Variants in NFATC3 observed in about 807,000 individuals in gnomAD.
NFATC3 encodes the protein nuclear factor of activated T cells 3, also known as nuclear factor of activated T-cells, cytoplasmic 3.
NFATC3 carries 46 observed loss-of-function variants against 98.6 expected under a neutral mutation model. The ratio of observed to expected loss-of-function variants is 0.47; its 90% CI spans 0.37 to 0.60. NFATC3 has a LOEUF of 0.60. NFATC3 is among the 20% of genes least tolerant of loss of function. NFATC3 has a pLI of 0.00. For synonymous variants in NFATC3, 512 were observed against 472.2 expected (o/e 1.08, Z -1.09); for missense variants, 1,256 against 1,295.5 (o/e 0.97, Z 0.47).
chr16:68,170,131 G>A (rs977157316), intron 5 of NFATC3, among the ~76,000 whole-genome samples: 11 of 151,682 alleles, frequency 7.3e-5, no homozygotes, highest in African/African-American at 1.5e-4. Context: ...GGTGGCTCAC[G>A]CCTGTAATCC....
At chr16:68,218,170 C>A in intron 9 of NFATC3, 1 of 386,358 alleles carries the variant, frequency 2.6e-6, no homozygotes, top group Non-Finnish European at 3.5e-6. Context: ...TCAAGTGATC[C>A]TCTTGTCTCA....
At chr16:68,087,740 C>T (rs372138575) in intron 1 of NFATC3, among the ~76,000 whole-genome samples, 47 of 152,240 alleles carry the variant, frequency 3.1e-4, no homozygotes, top group African/African-American at 1.1e-3. Flanking sequence ...TAGTAGCCAC[C>T]AGTCTGGGAT....
chr16:68,110,899 A>G (rs1012968176), intron 1 of NFATC3, among the ~76,000 whole-genome samples: 4 of 151,954 alleles, frequency 2.6e-5, no homozygotes, highest in Non-Finnish European at 5.9e-5. Flanking sequence ...TTCTGCCTTA[A>G]TTTCATTTTT....
intron 9 of NFATC3, among the ~76,000 whole-genome samples, chr16:68,220,773 G>A (rs1347216482): frequency 1.4e-5 from 2 of 146,036 alleles, no homozygotes; most frequent in Admixed American, 6.8e-5. Context: ...AAAAAAAATA[G>A]CCAGGCATTG....
At position 68,120,648 on chromosome 16, in the gene NFATC3, C is replaced by G. The variant is rs576797542; in HGVS notation, c.104-1339C>G. Among the ~76,000 whole-genome samples, 27 of 151,100 alleles carry G rather than the reference C, an allele frequency of 1.8e-4. No individual in the cohort carries two copies. The East Asian group carries it at 5.3e-3, about 29-fold the overall frequency. On this transcript the variant is annotated intron_variant, in intron 1 of 9. Transcript: ENST00000346183. ...GTCCCAGCTACTCAGGAGACTGAGA[C>G]AGGAGGCAGGAGAATTGCTTGAATC...
At chr16:68,192,330 T>G (rs1027436236) in intron 9 of NFATC3, 44 of 141,386 alleles carry the variant, frequency 3.1e-4, no homozygotes, top group African/African-American at 7.3e-4. Flanking sequence ...TATATATATA[T>G]ATAGAGAGAG....
chr16:68,192,208 G>A (rs1402577413), intron 9 of NFATC3: 1 of 47,124 alleles, frequency 2.1e-5, no homozygotes, highest in Non-Finnish European at 3.1e-5. Flanking sequence ...ACTCCGTCTC[G>A]GGAAAAAAAA....
chr16:68,136,765 A>G (rs1459074310), intron 3 of NFATC3, among the ~76,000 whole-genome samples: 1 of 152,104 alleles, frequency 6.6e-6, no homozygotes, highest in Non-Finnish European at 1.5e-5. Flanking sequence ...TCACAGTGGC[A>G]CCATGCTTGC....
At chr16:68,136,065 C>CA (rs1484290001) in intron 3 of NFATC3, among the ~76,000 whole-genome samples, 1 of 148,870 alleles carries the variant, frequency 6.7e-6, no homozygotes, top group African/African-American at 2.5e-5. Context: ...CATTCCATCT[C>CA]AAAAAAAAAG....
In NFATC3 at chr16:68,191,529, T is replaced by A. The variant is rs1361156126; in HGVS notation, c.2860T>A (p.Ser954Thr). The change falls in exon 9 of 10, where the codon TCT becomes ACT. Residue 954 changes from serine to threonine, a missense_variant. By Grantham distance (58) the Ser-to-Thr change is moderately conservative (BLOSUM62 1). Around this residue, in one of 3 missense-constraint regions of NFATC3, gnomAD observed 636 missense variants for 617.3 expected, o/e 1.03. Transcript: ENST00000346183. Reference protein sequence around the residue: ...SPQLQPMPYQSPSSGTASSPS... With the variant: ...SPQLQPMPYQTPSSGTASSPS... ...TCAGCTTCAGCCTATGCCTTACCAA[T>A]CTCCTAGCTCAGGAACTGCCTCATC... 13 of 1,614,062 alleles carry A rather than the reference T, an allele frequency of 8.1e-6. No individual in the cohort carries two copies. The highest frequency in any genetic ancestry group is 1.7e-5 in the Admixed American group (1 of 60,000).
intron 1 of NFATC3, among the ~76,000 whole-genome samples, chr16:68,101,936 G>A (rs913057870): frequency 6.6e-6 from 1 of 152,130 alleles, no homozygotes; most frequent in African/African-American, 2.4e-5. Flanking sequence ...GTCATTGTGA[G>A]ACCTCACTTC....
chr16:68,153,188 G>A (rs2151566264), intron 3 of NFATC3, among the ~76,000 whole-genome samples: 1 of 152,082 alleles, frequency 6.6e-6, no homozygotes, highest in Admixed American at 6.5e-5. Context: ...CCTGAGGCCA[G>A]GGCAGGTGGA....
At chr16:68,183,697 C>A (rs1259149840) in intron 8 of NFATC3, among the ~76,000 whole-genome samples, 1 of 151,974 alleles carries the variant, frequency 6.6e-6, no homozygotes, top group African/African-American at 2.4e-5. Context: ...CTCCTTGTAC[C>A]CTTAGCACCA....
At chr16:68,091,155 A>G (rs1567491708) in intron 1 of NFATC3, among the ~76,000 whole-genome samples, 9 of 152,220 alleles carry the variant, frequency 5.9e-5, no homozygotes. Context: ...ACTTTGGCAT[A>G]TATTCTTAAC....
At chr16:68,114,121 T>G (rs2036135848) in intron 1 of NFATC3, among the ~76,000 whole-genome samples, 1 of 152,142 alleles carries the variant, frequency 6.6e-6, no homozygotes, top group African/African-American at 2.4e-5. Context: ...GATGTACAGA[T>G]CTGTGGAAAA....
At chr16:68,089,737 C>A (rs759469211) in intron 1 of NFATC3, among the ~76,000 whole-genome samples, 3 of 151,998 alleles carry the variant, frequency 2.0e-5, no homozygotes, top group Non-Finnish European at 4.4e-5. Flanking sequence ...TAAAGGGCAG[C>A]CTGTGGTACT....
intron 9 of NFATC3, among the ~76,000 whole-genome samples, chr16:68,206,657 C>T (rs887582899): frequency 6.6e-6 from 1 of 151,944 alleles, no homozygotes; most frequent in African/African-American, 2.4e-5. Flanking sequence ...TTTTTGTGTA[C>T]ACCACATCTT....
chr16:68,110,341 C>G lies in NFATC3; in HGVS notation c.104-11646C>G, dbSNP rs375621346. On this transcript the variant is annotated intron_variant, in intron 1 of 9. Coordinates refer to ENST00000346183, the MANE Select transcript of NFATC3 (RefSeq NM_173165.3). ...TTTTTTTTTTCGAGACGAAGTCTCG[C>G]TCTGTTGCCCAGGCTGGAGTACAGT... is the stretch of plus-strand genomic sequence containing the variant. Among the ~76,000 whole-genome samples, 12 of 147,470 alleles carry G rather than the reference C, an allele frequency of 8.1e-5. No homozygotes were observed. In the East Asian group the frequency reaches 2.0e-3, roughly 24 times the overall value.
At position 68,158,115 on chromosome 16, in the gene NFATC3, C is replaced by T. The variant is rs1454186073; in HGVS notation, c.1601+47C>T. The T allele has an allele frequency of 3.2e-6, 4 of 1,232,928 alleles. No individual in the cohort carries two copies. The South Asian group carries it at 6.1e-5, about 19-fold the overall frequency. 76.4% of individuals were successfully genotyped at this position (1,232,928 alleles called of 1,614,324 possible). ...ATGTGCAGTTCTTTTTTTCTCTATA[C>T]TTTCAGAAAAAAAGTAAATATATTT... On this transcript the variant is annotated intron_variant, in intron 4 of 9. Coordinates refer to ENST00000346183, the MANE Select transcript of NFATC3 (RefSeq NM_173165.3).
Sources: gnomAD v4.1 joint callset for allele counts (sites outside exome capture counted in the v4.1 genomes callset) on GRCh38, gnomAD v4.1.1 for gene constraint, gnomAD v4.1.1 regional missense constraint, MANE v1.5 for transcripts, NCBI Gene and HGNC (gene_info 2026-07-23, HGNC 2026-07-21) for gene names.